ZNF469: variants seen among roughly 807,000 people sequenced by gnomAD.
ZNF469 encodes zinc finger protein 469.
In ZNF469, 1 loss-of-function variant was observed where a neutral mutation model predicts 1.0. The observed-to-expected ratio is 1.00, with a 90% CI of 0.35 to 4.73. ZNF469 has a LOEUF of 4.73. ZNF469 is among the 30% of genes most tolerant of loss of function. ZNF469 has a pLI of 0.16. For missense variants in ZNF469, 6,100 were observed against 5,356.3 expected (o/e 1.14, Z -4.33); for synonymous variants, 2,703 against 2,363.4 (o/e 1.14, Z -4.17).
At chr16:88,242,832 A>T in the ZNF469 span, among the ~76,000 whole-genome samples, 1 of 152,156 alleles carries the variant, frequency 6.6e-6, no homozygotes, top group African/African-American at 2.4e-5. Flanking sequence ...GGAGGGGAAA[A>T]CCCAAGGAGC....
the ZNF469 span, among the ~76,000 whole-genome samples, chr16:88,159,048 C>T: frequency 6.6e-6 from 1 of 152,140 alleles, no homozygotes; most frequent in Admixed American, 6.5e-5. Flanking sequence ...TATCAGTGCA[C>T]CGGTCACGGA....
the ZNF469 span, among the ~76,000 whole-genome samples, chr16:88,332,840 G>A: frequency 6.8e-4 from 103 of 152,310 alleles, no homozygotes; most frequent in African/African-American, 2.3e-3. Flanking sequence ...CCTCCTCACC[G>A]TTTCACAGAC....
At chr16:88,249,594 G>A in the ZNF469 span, among the ~76,000 whole-genome samples, 631 of 151,742 alleles carry the variant, frequency 4.2e-3, 6 homozygotes, top group African/African-American at 0.015. Flanking sequence ...CTGCCACCAC[G>A]CCGGGCCAAT....
At chr16:88,380,317 ACT>A (rs2092517861), upstream of ZNF469, among the ~76,000 whole-genome samples, 1 of 138,162 alleles carries the variant, frequency 7.2e-6, no homozygotes, top group African/African-American at 3.3e-5. Context: ...ACAGACATGC[ACT>A]CACACATGCA....
At chr16:88,157,033 G>A in the ZNF469 span, among the ~76,000 whole-genome samples, 2 of 152,230 alleles carry the variant, frequency 1.3e-5, no homozygotes, top group African/African-American at 2.4e-5. Flanking sequence ...CCTCGGTGCC[G>A]GGGTTTCCTT....
the ZNF469 span, among the ~76,000 whole-genome samples, chr16:88,253,835 A>G: frequency 6.6e-6 from 1 of 152,184 alleles, no homozygotes; most frequent in East Asian, 1.9e-4. Flanking sequence ...CACCGCGCCC[A>G]GCCCTTTTGT....
chr16:88,151,244 C>G, the ZNF469 span, among the ~76,000 whole-genome samples: 5,340 of 152,330 alleles, frequency 0.035, 290 homozygotes, highest in African/African-American at 0.12. The surrounding 1 kb of genome is among the most constrained non-coding windows in gnomAD (Gnocchi z 5.4). Context: ...GGGCTTCATC[C>G]AGGCCTCGAC....
At chr16:88,328,259 A>C in the ZNF469 span, among the ~76,000 whole-genome samples, 2 of 152,248 alleles carry the variant, frequency 1.3e-5, no homozygotes, top group Non-Finnish European at 2.9e-5. Flanking sequence ...TTCTGCCTTA[A>C]AGGTGTATTT....
the ZNF469 span, among the ~76,000 whole-genome samples, chr16:88,131,621 G>C: frequency 6.6e-6 from 1 of 152,242 alleles, no homozygotes; most frequent in Admixed American, 6.5e-5. Context: ...TGCCCCTTGG[G>C]CTTGGGCATC....
At position 88,431,426 on chromosome 16, in the gene ZNF469, C is replaced by A. The variant is rs770376107; in HGVS notation, c.3956C>A (p.Pro1319His). ...CCAGTCTCCCACAACAGCAAGGACCCCCCTGCCCGCCAGCCTGGAGAATTT... is the reference window on the plus strand; with the variant it reads ...CCAGTCTCCCACAACAGCAAGGACCACCCTGCCCGCCAGCCTGGAGAATTT... ...QAPVSHNSKD[P>H]PARQPGEFLA... is the part of the protein sequence containing the mutation. The change falls in exon 3 of 3, where the codon CCC (proline) becomes CAC (histidine). Residue 1319 changes from proline to histidine, a missense_variant. Coordinates refer to ENST00000565624, the MANE Select transcript of ZNF469 (RefSeq NM_001367624.2). The A allele has an allele frequency of 6.5e-6, 10 of 1,550,230 alleles. No homozygotes were observed. In the South Asian group the frequency reaches 7.1e-5, roughly 11 times the overall value.
chr16:88,216,234 G>T, the ZNF469 span, among the ~76,000 whole-genome samples: 1 of 152,058 alleles, frequency 6.6e-6, no homozygotes, highest in African/African-American at 2.4e-5. Context: ...AGTGGCTCAC[G>T]GCTGTAATCC....
At position 88,431,295 on chromosome 16, in the gene ZNF469, C is replaced by T. The variant is rs1239071722; in HGVS notation, c.3825C>T (p.Thr1275=). The change falls in exon 3 of 3, where the codon ACC becomes ACT. Residue 1275 remains threonine (T), a synonymous_variant. Coordinates refer to ENST00000565624, the MANE Select transcript of ZNF469 (RefSeq NM_001367624.2). ...PEQPPPSRHD[T]GTPKPSGSLA... ...AGCCGCCGCCCAGCAGACATGACAC[C>T]GGCACCCCCAAGCCGTCGGGAAGCC... 1.3e-6 allele frequency: 2 copies of T among 1,550,144 alleles called. No homozygotes were observed. Among genetic ancestry groups the T allele is most frequent in the South Asian group, 2.4e-5 (2 of 84,066 alleles).
At chr16:88,345,591 C>G in the ZNF469 span, among the ~76,000 whole-genome samples, 1 of 152,216 alleles carries the variant, frequency 6.6e-6, no homozygotes, top group East Asian at 1.9e-4. Context: ...ATGGCAGAAC[C>G]CACACCTGGG....
At chr16:88,301,677 T>C in the ZNF469 span, among the ~76,000 whole-genome samples, 40 of 152,344 alleles carry the variant, frequency 2.6e-4, no homozygotes, top group Non-Finnish European at 5.6e-4. Context: ...GGTCATGAGA[T>C]GCCGTCCCTG....
At chr16:88,190,553 T>C in the ZNF469 span, among the ~76,000 whole-genome samples, 1 of 152,192 alleles carries the variant, frequency 6.6e-6, no homozygotes, top group African/African-American at 2.4e-5. Flanking sequence ...AGCCACGTCC[T>C]CACAATGCAT....
Position 88,438,042 on chromosome 16 carries a change from CG to C in ZNF469, c.10573del (p.Glu3525ArgfsTer3). 3.9e-6 allele frequency: 6 copies of C among 1,550,248 alleles called. No individual in the cohort carries two copies. Among genetic ancestry groups the C allele is most frequent in the Non-Finnish European group, 5.2e-6 (6 of 1,146,944 alleles). On this transcript the variant is annotated frameshift_variant, in exon 3 of 3. Coordinates refer to ENST00000565624, the MANE Select transcript of ZNF469 (RefSeq NM_001367624.2). LOFTEE classifies it low-confidence loss of function (END_TRUNC). ...CTCCCAGCACCACCAAGGGATGGCC[CG>C]AGACCCTAGAGAGGCCTGTAGACCC... Reference protein sequence around the residue: ...VAPSTTKGWPETLERPVDPVT... With the variant: ...VAPSTTKGWPXTLERPVDPVT...
chr16:88,104,448 C>G, the ZNF469 span, among the ~76,000 whole-genome samples: 1 of 151,994 alleles, frequency 6.6e-6, no homozygotes, highest in Admixed American at 6.5e-5. Flanking sequence ...ACTGAAGCCC[C>G]CCAGCCTCTT....
At chr16:88,359,044 G>A in the ZNF469 span, among the ~76,000 whole-genome samples, 23 of 152,310 alleles carry the variant, frequency 1.5e-4, no homozygotes, top group Admixed American at 2.6e-4. Flanking sequence ...TAGAATCACC[G>A]AGTCGTTGGC....
chr16:88,251,170 G>A, the ZNF469 span, among the ~76,000 whole-genome samples: 2 of 152,282 alleles, frequency 1.3e-5, no homozygotes, highest in Non-Finnish European at 2.9e-5. Flanking sequence ...GAGCCACCGC[G>A]CCCGGCCTGT....
Sources: allele counts gnomAD v4.1 joint callset (sites outside exome capture counted in the v4.1 genomes callset), GRCh38; gene constraint gnomAD v4.1.1; non-coding constraint Gnocchi (gnomAD v3.1); transcripts MANE v1.5; gene names NCBI Gene and HGNC (gene_info 2026-07-23, HGNC 2026-07-21).